ADCY2: variants seen among roughly 807,000 people sequenced by gnomAD.
ADCY2 encodes the protein adenylate cyclase 2.
Under a neutral mutation model 125.2 loss-of-function variants are expected in ADCY2, and 31 were observed. The ratio of observed to expected loss-of-function variants is 0.25; its 90% confidence interval spans 0.19 to 0.33. The LOEUF is 0.33. ADCY2 is among the 10% of genes least tolerant of loss of function. ADCY2 has a pLI of 1.00. For missense variants in ADCY2, 904 were observed against 1,418.2 expected (o/e 0.64, Z 5.82); for synonymous variants, 512 against 548.4 (o/e 0.93, Z 0.93).
At chr5:7,546,863 G>A (rs1735164360) in intron 3 of ADCY2, among the ~76,000 whole-genome samples, 1 of 152,150 alleles carries the variant, frequency 6.6e-6, no homozygotes. Flanking sequence ...TTGGGGCTCA[G>A]CTTTAAATTG....
chr5:7,809,954 C>A (rs1011496376), intron 22 of ADCY2, among the ~76,000 whole-genome samples: 1 of 152,196 alleles, frequency 6.6e-6, no homozygotes, highest in Admixed American at 6.5e-5. Flanking sequence ...TCCCTGAGCA[C>A]ACTCCCTGAG....
chr5:7,590,942 G>A (rs1561113563), intron 3 of ADCY2, among the ~76,000 whole-genome samples: 1 of 151,908 alleles, frequency 6.6e-6, no homozygotes, highest in Non-Finnish European at 1.5e-5. Context: ...ATATTCAAAT[G>A]GAAAAAGTGG....
intron 6 of ADCY2, among the ~76,000 whole-genome samples, chr5:7,698,010 C>T (rs1740950853): frequency 6.6e-6 from 1 of 152,196 alleles, no homozygotes. Flanking sequence ...CCAGAACATT[C>T]TCCCTTCTTT....
chr5:7,529,355 G>A (rs1367266756), intron 3 of ADCY2, among the ~76,000 whole-genome samples: 2 of 152,134 alleles, frequency 1.3e-5, no homozygotes, highest in African/African-American at 2.4e-5. Flanking sequence ...ATGTTTTCAG[G>A]GTGCAACAAG....
intron 2 of ADCY2, among the ~76,000 whole-genome samples, chr5:7,481,800 A>G (rs1474158271): frequency 6.6e-6 from 1 of 151,604 alleles, no homozygotes; most frequent in Non-Finnish European, 1.5e-5. Flanking sequence ...GTGTGTGCAG[A>G]AGCTTTTTAA....
At chr5:7,611,051 A>C (rs1391920012) in intron 3 of ADCY2, 1 of 152,188 alleles carries the variant, frequency 6.6e-6, no homozygotes, top group Non-Finnish European at 1.5e-5. Flanking sequence ...CAAGCACAGA[A>C]TTTAAATGTT....
At chr5:7,490,710 G>A (rs1743131996) in intron 2 of ADCY2, among the ~76,000 whole-genome samples, 2 of 151,956 alleles carry the variant, frequency 1.3e-5, no homozygotes, top group Non-Finnish European at 2.9e-5. Flanking sequence ...CCATCATTTT[G>A]GGGATGGTAT....
At chr5:7,564,894 A>G (rs1387726688) in intron 3 of ADCY2, among the ~76,000 whole-genome samples, 4 of 152,170 alleles carry the variant, frequency 2.6e-5, no homozygotes, top group African/African-American at 9.6e-5. Flanking sequence ...ACCAAGAGAT[A>G]ATGAAAAAGC....
intron 1 of ADCY2, among the ~76,000 whole-genome samples, chr5:7,404,418 C>A (rs557847475): frequency 8.5e-5 from 13 of 152,236 alleles, no homozygotes; most frequent in African/African-American, 3.1e-4. Context: ...TGGATTAACA[C>A]AACACAACAA....
intron 7 of ADCY2, among the ~76,000 whole-genome samples, chr5:7,702,011 G>A (rs907101354): frequency 5.3e-5 from 8 of 152,176 alleles, no homozygotes; most frequent in East Asian, 3.9e-4. Context: ...ATGGCTTTGC[G>A]TCCCTGTTAC....
intron 2 of ADCY2, among the ~76,000 whole-genome samples, chr5:7,420,326 G>T (rs924167967): frequency 6.6e-6 from 1 of 152,140 alleles, no homozygotes; most frequent in African/African-American, 2.4e-5. Context: ...CGGCACGACT[G>T]AAGAGTGATG....
At chr5:7,459,000 A>G (rs1159222245) in intron 2 of ADCY2, among the ~76,000 whole-genome samples, 3 of 152,114 alleles carry the variant, frequency 2.0e-5, no homozygotes, top group African/African-American at 7.2e-5. Context: ...CCCAAGACCA[A>G]TGGCTTAAAT....
intron 2 of ADCY2, among the ~76,000 whole-genome samples, chr5:7,465,292 G>C (rs754261966): frequency 2.6e-5 from 4 of 152,212 alleles, no homozygotes; most frequent in Non-Finnish European, 5.9e-5. Flanking sequence ...ACCTGGGTCA[G>C]ACACCTGGGA....
rs373757452 is a variant in ADCY2 at position 7,432,074 on chromosome 5, G to A, written c.408+17304G>A. Among the ~76,000 whole-genome samples, 8 of 152,182 alleles carry A rather than the reference G, an allele frequency of 5.3e-5. No individual in the cohort carries two copies. In the East Asian group the frequency reaches 9.7e-4, roughly 18 times the overall value. ...TGGATGTCAGAGACTACCATTGAAC[G>A]TTGGAAAGAAGTGTCTTGACTTCAG... On this transcript the variant is annotated intron_variant, in intron 2 of 24. Transcript: ENST00000338316.
chr5:7,727,328 T>C, intron 14 of ADCY2, 67 bp downstream of exon 14: 1 of 1,301,976 alleles, frequency 7.7e-7, no homozygotes, highest in African/African-American at 1.5e-5. Context: ...CCAGTTATAT[T>C]TAAAGGTGTG....
intron 4 of ADCY2, among the ~76,000 whole-genome samples, chr5:7,631,438 A>G (rs1340341787): frequency 6.6e-6 from 1 of 152,118 alleles, no homozygotes; most frequent in Non-Finnish European, 1.5e-5. Context: ...GCCCCAGATC[A>G]CTCAGTGAGT....
At chr5:7,552,833 G>A (rs1041686769) in intron 3 of ADCY2, among the ~76,000 whole-genome samples, 2 of 152,046 alleles carry the variant, frequency 1.3e-5, no homozygotes, top group Admixed American at 1.3e-4. Flanking sequence ...AACCTGTATG[G>A]TATTTTTAAA....
At chr5:7,415,820 T>G (rs981933490) in intron 2 of ADCY2, among the ~76,000 whole-genome samples, 1 of 152,112 alleles carries the variant, frequency 6.6e-6, no homozygotes, top group African/African-American at 2.4e-5. Context: ...TGGTGTGTTG[T>G]CTAGGGGACA....
Position 7,418,968 on chromosome 5 carries a change from A to G in ADCY2, c.408+4198A>G, listed in dbSNP as rs568977135. On this transcript the variant is annotated intron_variant, in intron 2 of 24. Transcript: ENST00000338316. ...GCACCCAGCCCTGGTGTCTTTTACT[A>G]CAGACTTCATATATGTATACCCCTT... 3.3e-5 allele frequency among the ~76,000 whole-genome samples: 5 copies of G among 152,134 alleles called. No individual in the cohort carries two copies. The South Asian group carries it at 8.3e-4, about 25-fold the overall frequency.
Sources: allele counts gnomAD v4.1 joint callset (sites outside exome capture counted in the v4.1 genomes callset), GRCh38; gene constraint gnomAD v4.1.1; transcripts MANE v1.5; gene names NCBI Gene and HGNC (gene_info 2026-07-23, HGNC 2026-07-21).